Variants in MIPOL1 observed in about 807,000 individuals in gnomAD.
MIPOL1 encodes the protein mirror-image polydactyly gene 1 protein.
A neutral mutation model predicts 60.9 loss-of-function variants in MIPOL1; 57 were observed. The ratio of observed to expected loss-of-function variants is 0.94; its 90% CI spans 0.76 to 1.17. MIPOL1 has a LOEUF of 1.17. Ranked by LOEUF, MIPOL1 falls within the 50% of genes most tolerant of loss-of-function variation. MIPOL1 has a pLI of 0.00. For missense variants in MIPOL1, 551 were observed against 511.6 expected, an observed-to-expected ratio of 1.08 and a Z score of -0.74; for synonymous variants, 179 against 168.8, an observed-to-expected ratio of 1.06 and a Z score of -0.47.
chr14:37,521,908 ATATT>A (rs2095416427), intron 12 of MIPOL1, among the ~76,000 whole-genome samples: 5 of 20,660 alleles, frequency 2.4e-4, no homozygotes, highest in Admixed American at 5.8e-4. Flanking sequence ...ATATATATAT[ATATT>A]TTTTTTTTCT....
intron 11 of MIPOL1, among the ~76,000 whole-genome samples, chr14:37,431,236 G>A (rs190150775): frequency 4.4e-4 from 67 of 152,270 alleles, no homozygotes; most frequent in Admixed American, 2.9e-3. Context: ...GTCCACAGGT[G>A]GCAATTGCCT....
At chr14:37,476,851 G>C (rs974297693) in intron 11 of MIPOL1, among the ~76,000 whole-genome samples, 1 of 137,616 alleles carries the variant, frequency 7.3e-6, no homozygotes, top group Non-Finnish European at 1.6e-5. Context: ...TAGGGTTTTT[G>C]TATCTATGTT....
chr14:37,298,682 A>T (rs185475781), intron 7 of MIPOL1, among the ~76,000 whole-genome samples: 128 of 152,312 alleles, frequency 8.4e-4, no homozygotes, highest in African/African-American at 3.0e-3. Flanking sequence ...ATGCAGCCAA[A>T]AAACACATGA....
At chr14:37,529,511 G>T (rs1303230009) in intron 12 of MIPOL1, among the ~76,000 whole-genome samples, 1 of 152,066 alleles carries the variant, frequency 6.6e-6, no homozygotes, top group Non-Finnish European at 1.5e-5. Flanking sequence ...CTGGTATCTT[G>T]TAATTTGTGT....
At position 37,202,325 on chromosome 14, in the gene MIPOL1, G is replaced by C. The variant is rs542116461; in HGVS notation, c.-199+4221G>C. ...CCTCACCTTCCACTATCAATTCATT[G>C]CAGTTAAGTAAGCTTTTCTCATATA... On this transcript the variant is annotated intron_variant, in intron 1 of 12. Coordinates refer to ENST00000684589, the MANE Select transcript of MIPOL1 (RefSeq NM_001388067.1). 2.0e-5 allele frequency among the ~76,000 whole-genome samples: 3 copies of C among 151,996 alleles called. No homozygotes were observed. The South Asian group carries it at 6.2e-4, about 32-fold the overall frequency.
intron 5 of MIPOL1, among the ~76,000 whole-genome samples, chr14:37,269,048 A>G (rs1409412971): frequency 1.3e-5 from 2 of 152,054 alleles, no homozygotes; most frequent in Admixed American, 1.3e-4. Context: ...CCTTGTATAC[A>G]TATCTTTAAA....
At chr14:37,521,426 G>A (rs1258634846) in intron 12 of MIPOL1, among the ~76,000 whole-genome samples, 3 of 152,100 alleles carry the variant, frequency 2.0e-5, no homozygotes, top group Non-Finnish European at 2.9e-5. Flanking sequence ...TGAGTAGTGT[G>A]ATCAAATGAA....
chr14:37,522,970 A>G (rs2095424101), intron 12 of MIPOL1, among the ~76,000 whole-genome samples: 1 of 152,100 alleles, frequency 6.6e-6, no homozygotes. Context: ...TGAATTTAAT[A>G]TTGGTTTCAT....
intron 1 of MIPOL1, among the ~76,000 whole-genome samples, chr14:37,244,411 A>G (rs1003588006): frequency 6.6e-6 from 1 of 151,686 alleles, no homozygotes; most frequent in Non-Finnish European, 1.5e-5. Context: ...GTGAGCCACC[A>G]TGCCCCGCCA....
At chr14:37,381,201 C>T (rs973977447) in intron 10 of MIPOL1, among the ~76,000 whole-genome samples, 5 of 152,080 alleles carry the variant, frequency 3.3e-5, no homozygotes, top group African/African-American at 1.2e-4. Flanking sequence ...TCTCTGCCCA[C>T]ATCAATAGTA....
intron 7 of MIPOL1, 134 bp from the exon 8 acceptor site, chr14:37,307,922 T>A: frequency 1.5e-6 from 1 of 667,726 alleles, no homozygotes; most frequent in South Asian, 2.0e-5. Flanking sequence ...CACTTTAATA[T>A]GTTCAGTGTC....
chr14:37,336,105 G>GT (rs139169812), intron 9 of MIPOL1, among the ~76,000 whole-genome samples: 8 of 111,762 alleles, frequency 7.2e-5, no homozygotes, highest in African/African-American at 2.6e-4. Context: ...CAAATTCATG[G>GT]TTTTTTTTTT....
At position 37,549,662 on chromosome 14, in the gene MIPOL1, CTACA is replaced by C. The variant is rs1181700413; in HGVS notation, c.*2696_*2699del. On this transcript the variant is annotated 3_prime_UTR_variant, in exon 13 of 13. Transcript: ENST00000684589. ...GTGATAGTACCATCTCTTTCACATACTACATACAAATTCCCTAATAATCAAAAGA... is the reference window on the plus strand; with the variant it reads ...GTGATAGTACCATCTCTTTCACATACTACAAATTCCCTAATAATCAAAAGA... 1 of 151,904 alleles carries C rather than the reference CTACA, an allele frequency of 6.6e-6. No individual in the cohort carries two copies. The highest frequency in any genetic ancestry group is 1.5e-5 in the Non-Finnish European group (1 of 67,846). The allele number at this position is 151,904 out of a possible 1,614,324, so 9.4% of individuals were successfully genotyped here.
intron 12 of MIPOL1, among the ~76,000 whole-genome samples, chr14:37,522,569 A>G (rs551870510): frequency 6.6e-6 from 1 of 152,276 alleles, no homozygotes; most frequent in Admixed American, 6.5e-5. Flanking sequence ...TTTACTGAGA[A>G]TGCTTATTAT....
chr14:37,236,619 G>A (rs578028764), intron 1 of MIPOL1, among the ~76,000 whole-genome samples: 10 of 152,020 alleles, frequency 6.6e-5, no homozygotes, highest in African/African-American at 2.2e-4. Flanking sequence ...TGTATTTTTA[G>A]TAGAGACGGG....
At chr14:37,504,159 A>C (rs1326181849) in intron 12 of MIPOL1, 2 of 152,176 alleles carry the variant, frequency 1.3e-5, no homozygotes, top group Non-Finnish European at 2.9e-5. Context: ...TGATAATGGG[A>C]GACTTTAACA....
intron 12 of MIPOL1, among the ~76,000 whole-genome samples, chr14:37,514,354 C>T (rs1479036930): frequency 6.6e-6 from 1 of 151,876 alleles, no homozygotes; most frequent in Non-Finnish European, 1.5e-5. Flanking sequence ...ATTTGAATTC[C>T]CTAGGAAAAG....
chr14:37,484,981 C>A (rs1018471456), intron 11 of MIPOL1, among the ~76,000 whole-genome samples: 1 of 152,136 alleles, frequency 6.6e-6, no homozygotes, highest in Non-Finnish European at 1.5e-5. Flanking sequence ...TCTCCTAATG[C>A]TATCCTCCCC....
chr14:37,364,138 G>A (rs1192130474), intron 9 of MIPOL1, among the ~76,000 whole-genome samples: 1 of 152,202 alleles, frequency 6.6e-6, no homozygotes. Flanking sequence ...ACTGTGGGCT[G>A]CACCCACTGT....
Sources: allele counts gnomAD v4.1 joint callset (sites outside exome capture counted in the v4.1 genomes callset), GRCh38; gene constraint gnomAD v4.1.1; transcripts MANE v1.5; gene names NCBI Gene and HGNC (gene_info 2026-07-23, HGNC 2026-07-21).